MTSS1: variants seen among roughly 807,000 people sequenced by gnomAD.
MTSS1 encodes protein MTSS 1.
A neutral mutation model predicts 79.0 loss-of-function variants in MTSS1; 18 were observed. The observed-to-expected ratio is 0.23, with a 90% CI of 0.16 to 0.34. MTSS1 has a LOEUF of 0.34. MTSS1 is among the 10% of genes least tolerant of loss of function. The pLI, the probability that MTSS1 is intolerant of heterozygous loss-of-function variation, is 1.00. For synonymous variants in MTSS1, 341 were observed against 368.6 expected (o/e 0.93, Z 0.86); for missense variants, 815 against 986.2 (o/e 0.83, Z 2.33).
In MTSS1 at chr8:124,567,084, G is replaced by T; in HGVS notation, c.713C>A (p.Ser238Tyr). Reference protein sequence around the residue: ...SLTMDPHKLPSSSEQVILDLK... With the variant: ...SLTMDPHKLPYSSEQVILDLK... ...CCTGAAGCCTACCTGTTCACTTGAG[G>T]AGGGCAGTTTGTGAGGGTCCATGGT... The change falls in exon 8 of 14, where the codon TCC becomes TAC. Residue 238 changes from serine (S) to tyrosine (Y), a missense_variant. Ser to Tyr is a moderately radical substitution (Grantham distance 144). This residue lies in a region of MTSS1 where 225 missense variants were observed against 365.4 expected (regional missense o/e 0.62). Transcript: ENST00000518547. The T allele has an allele frequency of 6.2e-7, 1 of 1,612,930 alleles. No homozygotes were observed. The highest frequency in any genetic ancestry group is 8.5e-7 in the Non-Finnish European group (1 of 1,178,864).
chr8:124,595,338 A>T (rs935538161), intron 3 of MTSS1, among the ~76,000 whole-genome samples: 5 of 152,224 alleles, frequency 3.3e-5, no homozygotes, highest in African/African-American at 1.2e-4. Flanking sequence ...TCTGGAAGTC[A>T]GAAGTCCAAA....
intron 1 of MTSS1, among the ~76,000 whole-genome samples, chr8:124,721,585 T>A (rs1235740747): frequency 6.6e-6 from 1 of 152,052 alleles, no homozygotes; most frequent in Non-Finnish European, 1.5e-5. Flanking sequence ...AAATTTTGTA[T>A]TTTTTGCAGA....
Position 124,557,190 on chromosome 8 carries a change from A to T in MTSS1, c.1230+491T>A, listed in dbSNP as rs186777246. ...GTGTACTGTTAAGTTCAACATGATC[A>T]CCCCAAACCTGCTTTGGGTTATGGT... On this transcript the variant is annotated intron_variant, in intron 11 of 13. Transcript: ENST00000518547. Among the ~76,000 whole-genome samples the T allele has an allele frequency of 3.6e-3, 549 of 152,302 alleles. 10 individuals carry two copies. Among genetic ancestry groups the T allele is most frequent in the Admixed American group, 0.033 (509 of 15,300 alleles).
chr8:124,649,856 T>C (rs1203331934), intron 3 of MTSS1, among the ~76,000 whole-genome samples: 1 of 151,930 alleles, frequency 6.6e-6, no homozygotes, highest in Non-Finnish European at 1.5e-5. Context: ...GTTGGAATCT[T>C]TCAATTATCA....
At chr8:124,676,162 A>C (rs1460619069) in intron 3 of MTSS1, among the ~76,000 whole-genome samples, 10 of 152,240 alleles carry the variant, frequency 6.6e-5, no homozygotes, top group Non-Finnish European at 1.5e-4. Context: ...AGGAATAAAA[A>C]GGTATTGATT....
At chr8:124,658,616 G>A (rs1173140434) in intron 3 of MTSS1, among the ~76,000 whole-genome samples, 4 of 152,168 alleles carry the variant, frequency 2.6e-5, no homozygotes, top group African/African-American at 7.2e-5. Flanking sequence ...GTTTACTCAT[G>A]GCAGAATGCA....
intron 3 of MTSS1, among the ~76,000 whole-genome samples, chr8:124,612,619 T>C (rs1303329470): frequency 7.4e-6 from 1 of 136,026 alleles, no homozygotes; most frequent in African/African-American, 2.8e-5. Flanking sequence ...TGTGTGTGTG[T>C]GTGTGTGTGT....
chr8:124,565,565 A>T, intron 9 of MTSS1, 97 bp downstream of exon 9: 1 of 991,230 alleles, frequency 1.0e-6, no homozygotes, highest in Non-Finnish European at 1.5e-6. Flanking sequence ...TTTGAGAATG[A>T]GCCATTCTAA....
intron 3 of MTSS1, among the ~76,000 whole-genome samples, chr8:124,599,799 A>G (rs977636181): frequency 2.6e-5 from 4 of 152,140 alleles, no homozygotes; most frequent in African/African-American, 9.7e-5. Context: ...CACTCCACGC[A>G]GCCTGCAAGC....
chr8:124,645,471 C>T (rs1423618999), intron 3 of MTSS1, among the ~76,000 whole-genome samples: 1 of 152,182 alleles, frequency 6.6e-6, no homozygotes, highest in Non-Finnish European at 1.5e-5. Flanking sequence ...CCCATCTTCA[C>T]GATCCCTATC....
intron 1 of MTSS1, among the ~76,000 whole-genome samples, chr8:124,723,078 T>C (rs1221508920): frequency 6.6e-6 from 1 of 152,222 alleles, no homozygotes; most frequent in Non-Finnish European, 1.5e-5. Flanking sequence ...TTTTAGCTTT[T>C]TTCCTTTTCC....
chr8:124,573,487 G>A lies in MTSS1; in HGVS notation c.461-4951C>T, dbSNP rs898800330. 6.6e-5 allele frequency among the ~76,000 whole-genome samples: 10 copies of A among 152,210 alleles called. No homozygotes were observed. The South Asian group carries it at 1.0e-3, about 16-fold the overall frequency. On this transcript the variant is annotated intron_variant, in intron 6 of 13. Transcript: ENST00000518547. ...TCCCCTAGTCAGGGGGCAGTCCCACGGGGGCAGAACCCATGAATGCTTTTG... is the reference window on the plus strand; with the variant it reads ...TCCCCTAGTCAGGGGGCAGTCCCACAGGGGCAGAACCCATGAATGCTTTTG...
intron 10 of MTSS1, among the ~76,000 whole-genome samples, chr8:124,560,424 C>T (rs1287525780): frequency 2.0e-5 from 3 of 152,164 alleles, no homozygotes; most frequent in Non-Finnish European, 4.4e-5. Flanking sequence ...AGACAATGCT[C>T]ACTATTTGGG....
At position 124,567,503 on chromosome 8, in the gene MTSS1, C is replaced by A. The variant is rs987431284; in HGVS notation, c.619-325G>T. ...TTCCCACGGGATCCTGCAGCACAGC[C>A]CTCTTCATACTGTGGCCCTTTTCTG... On this transcript the variant is annotated intron_variant, in intron 7 of 13. Transcript: ENST00000518547. 3 of 874,302 alleles carry A rather than the reference C, an allele frequency of 3.4e-6. No homozygotes were observed. The African/African-American group carries it at 5.1e-5, about 15-fold the overall frequency. The allele number at this position is 874,302 out of a possible 1,614,324, so 54.2% of individuals were successfully genotyped here. A position where few individuals can be genotyped will look rare whatever the true frequency, so the allele number is the denominator to read the frequency against.
chr8:124,592,596 T>G (rs543689771), intron 3 of MTSS1, among the ~76,000 whole-genome samples: 1 of 152,320 alleles, frequency 6.6e-6, no homozygotes, highest in African/African-American at 2.4e-5. Flanking sequence ...ATGTTTTCCA[T>G]TTCATTTTGC....
In MTSS1 at chr8:124,550,886, C is replaced by CA; in HGVS notation, c.*2105dup. ...AATTGTTATTTATACAAGTTTAGAA[C>CA]AAAAAACTGCACAGGGAGAGGTCAA... is the stretch of plus-strand genomic sequence containing the variant. On this transcript the variant is annotated 3_prime_UTR_variant, in exon 14 of 14. Transcript: ENST00000518547. The CA allele has an allele frequency of 6.6e-6, 1 of 152,590 alleles. No homozygotes were observed. Among genetic ancestry groups the CA allele is most frequent in the East Asian group, 1.9e-4 (1 of 5,192 alleles). 9.5% of individuals were successfully genotyped at this position (152,590 alleles called of 1,614,324 possible). A position where few individuals can be genotyped will look rare whatever the true frequency, so the allele number is the denominator to read the frequency against.
intron 7 of MTSS1, 66 bp from the exon 8 acceptor site, chr8:124,567,244 T>G: frequency 7.6e-7 from 1 of 1,309,356 alleles, no homozygotes; most frequent in South Asian, 1.2e-5. Flanking sequence ...TCTAGTCCAA[T>G]TGTTTTCATT....
At chr8:124,652,904 T>C (rs953692845) in intron 3 of MTSS1, among the ~76,000 whole-genome samples, 2 of 152,232 alleles carry the variant, frequency 1.3e-5, no homozygotes, top group Non-Finnish European at 2.9e-5. Context: ...CTTTTTTCAT[T>C]AACCTATCAT....
chr8:124,603,180 C>G (rs1434054476), intron 3 of MTSS1, among the ~76,000 whole-genome samples: 1 of 152,206 alleles, frequency 6.6e-6, no homozygotes, highest in Non-Finnish European at 1.5e-5. Flanking sequence ...CGTGCGCCAC[C>G]ACTCCTGGCT....
Sources: gnomAD v4.1 joint callset for allele counts (sites outside exome capture counted in the v4.1 genomes callset) on GRCh38, gnomAD v4.1.1 for gene constraint, gnomAD v4.1.1 regional missense constraint, MANE v1.5 for transcripts, NCBI Gene and HGNC (gene_info 2026-07-23, HGNC 2026-07-21) for gene names.